The following PLA2G2C variants were observed in gnomAD, a reference collection of about 807,000 sequenced individuals.
The protein encoded by PLA2G2C is putative inactive group IIC secretory phospholipase A2.
Under a neutral mutation model 14.3 loss-of-function variants are expected in PLA2G2C, and 15 were observed. The ratio of observed to expected loss-of-function variants is 1.05; its 90% CI spans 0.70 to 1.62. The LOEUF (loss-of-function observed/expected upper bound fraction) is 1.62, where lower values mean the gene tolerates loss of function less well. Among genes scored for constraint, PLA2G2C ranks in the 40% most tolerant of loss-of-function variants. PLA2G2C has a pLI of 0.00. For missense variants in PLA2G2C, 162 were observed against 173.2 expected (o/e 0.94, Z 0.36); for synonymous variants, 79 against 67.7 (o/e 1.17, Z -0.82).
At chr1:20,179,951 G>C (rs1020233556) in intron 1 of PLA2G2C, among the ~76,000 whole-genome samples, 7 of 148,608 alleles carry the variant, frequency 4.7e-5, no homozygotes, top group Non-Finnish European at 3.0e-5. Flanking sequence ...CTCTGTGTCA[G>C]CTTCTCCCTC....
In PLA2G2C at chr1:20,177,253, G is replaced by T. The variant is rs1289397162; in HGVS notation, c.40+71C>A. The T allele has an allele frequency of 5.7e-6, 4 of 700,100 alleles. No homozygotes were observed. In the East Asian group the frequency reaches 1.1e-4, roughly 19 times the overall value. The allele number at this position is 700,100 out of a possible 1,614,324, so 43.4% of individuals were successfully genotyped here. A position where few individuals can be genotyped will look rare whatever the true frequency, so the allele number is the denominator to read the frequency against. On this transcript the variant is annotated intron_variant, in intron 2 of 4. Transcript: ENST00000679259. ...CTTCCCTCACCTGGTGCCACCTGGA[G>T]AGTCCCCCCTCCCACTGACATAAAC...
Position 20,163,867 on chromosome 1 carries a change from G to C in PLA2G2C, c.*124C>G. On this transcript the variant is annotated 3_prime_UTR_variant, in exon 5 of 5. Coordinates refer to ENST00000679259, the MANE Select transcript of PLA2G2C (RefSeq NM_001367969.2). ...AATGCTGAAGGGTGAGCTGCCCTGC[G>C]GGAGACATTTTGTCCTCCCTCCCAG... The C allele has an allele frequency of 9.0e-7, 1 of 1,113,174 alleles. No individual in the cohort carries two copies. The highest frequency in any genetic ancestry group is 1.3e-6 in the Non-Finnish European group (1 of 797,842). The allele number at this position is 1,113,174 out of a possible 1,614,324, so 69.0% of individuals were successfully genotyped here.
chr1:20,183,726 G>A (rs1050796904), intron 1 of PLA2G2C, among the ~76,000 whole-genome samples: 3 of 152,148 alleles, frequency 2.0e-5, no homozygotes, highest in Admixed American at 1.3e-4. Context: ...CAGTCATTTT[G>A]GCTTAACTTC....
intron 2 of PLA2G2C, 160 bp from the exon 3 acceptor site, chr1:20,175,305 T>G: frequency 9.4e-7 from 1 of 1,062,150 alleles, no homozygotes; most frequent in Non-Finnish European, 1.4e-6. Flanking sequence ...GCCTCTTTCC[T>G]GGGGAATAAA....
In PLA2G2C at chr1:20,182,410, T is replaced by C. The variant is rs184533230; in HGVS notation, c.-77+3950A>G. 5.1e-3 allele frequency among the ~76,000 whole-genome samples: 773 copies of C among 152,364 alleles called. 8 individuals carry two copies. Among genetic ancestry groups the C allele is most frequent in the African/African-American group, 0.017 (717 of 41,576 alleles). On this transcript the variant is annotated intron_variant, in intron 1 of 4. Transcript: ENST00000679259. ...TGTTACAGTATTTAGAACGGCAACA[T>C]GCTGTACAGGTTTGTGGCCTAGGAG... is the stretch of plus-strand genomic sequence containing the variant.
chr1:20,173,824 A>G (rs1364336525), intron 3 of PLA2G2C, among the ~76,000 whole-genome samples: 2 of 152,254 alleles, frequency 1.3e-5, no homozygotes, highest in Non-Finnish European at 2.9e-5. Flanking sequence ...CCCATCTGCA[A>G]GTGGGGGCTC....
At chr1:20,165,829 G>A (rs762734017) in intron 4 of PLA2G2C, among the ~76,000 whole-genome samples, 42 of 152,182 alleles carry the variant, frequency 2.8e-4, no homozygotes, top group Non-Finnish European at 4.4e-4. Flanking sequence ...GTGTGTGCGC[G>A]CGCGCATGTG....
chr1:20,169,544 G>C (rs2018035011), intron 4 of PLA2G2C, among the ~76,000 whole-genome samples: 1 of 152,180 alleles, frequency 6.6e-6, no homozygotes, highest in Non-Finnish European at 1.5e-5. Context: ...GTACAGAGCG[G>C]ACTCTTCAAA....
In PLA2G2C at chr1:20,177,344, AG is replaced by A. The variant is rs2018204484; in HGVS notation, c.19del (p.Leu7SerfsTer66). On this transcript the variant is annotated frameshift_variant, in exon 2 of 5. Coordinates refer to ENST00000679259, the MANE Select transcript of PLA2G2C (RefSeq NM_001367969.2). LOFTEE classifies it high-confidence loss of function. MKVIAI[L>X]TLLLFCSPTH... ...CTTACAGCAGAAGAGGAGGAGGGTG[AG>A]GATGGCAATGACCTTCATTCCTGAG... 1.4e-6 allele frequency: 1 copy of A among 700,586 alleles called. No homozygotes were observed. Among genetic ancestry groups the A allele is most frequent in the Non-Finnish European group, 2.6e-6 (1 of 384,740 alleles). 43.4% of individuals were successfully genotyped at this position (700,586 alleles called of 1,614,324 possible). A position where few individuals can be genotyped will look rare whatever the true frequency, so the allele number is the denominator to read the frequency against.
At position 20,177,434 on chromosome 1, in the gene PLA2G2C, G is replaced by A. The variant is rs1321580284; in HGVS notation, c.-71C>T. The A allele has an allele frequency of 3.3e-6, 2 of 610,960 alleles. No individual in the cohort carries two copies. The highest frequency in any genetic ancestry group is 5.8e-6 in the Non-Finnish European group (2 of 343,256). 37.8% of individuals were successfully genotyped at this position (610,960 alleles called of 1,614,324 possible). A position where few individuals can be genotyped will look rare whatever the true frequency, so the allele number is the denominator to read the frequency against. ...CCTGTGTGTGAGGGGTCTCCCAGCT[G>A]AACCTCTGTTCCAGGACAAAATGAC... On this transcript the variant is annotated 5_prime_UTR_variant, in exon 2 of 5. An upstream open reading frame in the 5' UTR gains an earlier in-frame stop. Coordinates refer to ENST00000679259, the MANE Select transcript of PLA2G2C (RefSeq NM_001367969.2).
chr1:20,181,031 T>C (rs1569939223), intron 1 of PLA2G2C, among the ~76,000 whole-genome samples: 1 of 152,210 alleles, frequency 6.6e-6, no homozygotes. Flanking sequence ...TTCTTATCAG[T>C]GCCTGGCACA....
In PLA2G2C at chr1:20,173,311, G is replaced by A. The variant is rs572969269; in HGVS notation, c.180-414C>T. On this transcript the variant is annotated intron_variant, in intron 3 of 4. Transcript: ENST00000679259. ...AGCCTGGATAATAGAGCAAGACCCC[G>A]TCTCCCAAAAAATAAATAAAATAAA... is the stretch of plus-strand genomic sequence containing the variant. Among the ~76,000 whole-genome samples, 18 of 151,988 alleles carry A rather than the reference G, an allele frequency of 1.2e-4. No homozygotes were observed. The South Asian group carries it at 2.3e-3, about 19-fold the overall frequency.
chr1:20,167,141 C>A (rs374911287), intron 4 of PLA2G2C, among the ~76,000 whole-genome samples: 1 of 152,164 alleles, frequency 6.6e-6, no homozygotes, highest in Non-Finnish European at 1.5e-5. Flanking sequence ...CAGTCTAAGC[C>A]CCTCGCCTCA....
At chr1:20,165,743 T>C (rs1293972677) in intron 4 of PLA2G2C, among the ~76,000 whole-genome samples, 1 of 151,890 alleles carries the variant, frequency 6.6e-6, no homozygotes, top group Non-Finnish European at 1.5e-5. Context: ...TGTGTGCAGG[T>C]ATGTGTCCAT....
At chr1:20,185,511 T>C (rs965734759) in intron 1 of PLA2G2C, among the ~76,000 whole-genome samples, 4 of 151,976 alleles carry the variant, frequency 2.6e-5, no homozygotes, top group South Asian at 4.2e-4. Context: ...GTGGAAGAGA[T>C]TGTGGCTGGG....
chr1:20,184,626 T>C (rs898954680), intron 1 of PLA2G2C: 2 of 152,144 alleles, frequency 1.3e-5, no homozygotes, highest in African/African-American at 4.8e-5. Context: ...GCAATTCACC[T>C]TGGAGAGAAT....
chr1:20,165,003 G>C lies in PLA2G2C; in HGVS notation c.284-846C>G, dbSNP rs147043563. Among the ~76,000 whole-genome samples, 1,180 of 152,340 alleles carry C rather than the reference G, an allele frequency of 7.7e-3. 13 individuals carry two copies. The highest frequency in any genetic ancestry group is 0.026 in the African/African-American group (1,099 of 41,572). On this transcript the variant is annotated intron_variant, in intron 4 of 4. Coordinates refer to ENST00000679259, the MANE Select transcript of PLA2G2C (RefSeq NM_001367969.2). ...GTTCACTCTCTGGCTTACAGCCCCA[G>C]TGTGGTTTCCTATTCGGGAAAGACA...
intron 4 of PLA2G2C, 141 bp downstream of exon 4, chr1:20,172,653 A>G: frequency 1.4e-6 from 1 of 720,996 alleles, no homozygotes; most frequent in Non-Finnish European, 2.2e-6. Flanking sequence ...GCTCTGGAGC[A>G]TCAGGAGAAA....
intron 1 of PLA2G2C, among the ~76,000 whole-genome samples, chr1:20,185,141 A>T (rs989052598): frequency 1.3e-5 from 2 of 152,144 alleles, no homozygotes; most frequent in Non-Finnish European, 2.9e-5. Flanking sequence ...GTCTCCCCTT[A>T]AAAAAGGAAG....
Sources: allele counts gnomAD v4.1 joint callset (sites outside exome capture counted in the v4.1 genomes callset), GRCh38; gene constraint gnomAD v4.1.1; transcripts MANE v1.5; gene names NCBI Gene and HGNC (gene_info 2026-07-23, HGNC 2026-07-21).